PKIB: variants seen among roughly 807,000 people sequenced by gnomAD.
PKIB encodes cAMP-dependent protein kinase inhibitor beta.
PKIB carries 2 observed loss-of-function variants against 4.5 expected under a neutral mutation model. The ratio of observed to expected loss-of-function variants is 0.44; its 90% CI spans 0.18 to 1.39. PKIB has a LOEUF of 1.39. Ranked by LOEUF, PKIB falls within the 40% of genes most tolerant of loss-of-function variation. PKIB has a pLI of 0.27. For missense variants in PKIB, 94 were observed against 92.6 expected, an observed-to-expected ratio of 1.02 and a Z score of -0.06; for synonymous variants, 38 against 36.0, an observed-to-expected ratio of 1.06 and a Z score of -0.20.
At chr6:122,500,375 GGAAGA>G (rs66467028) in intron 2 of PKIB, among the ~76,000 whole-genome samples, 21,323 of 152,030 alleles carry the variant, frequency 0.14, 1,582 homozygotes, top group East Asian at 0.26. Flanking sequence ...ACTGAGGAAG[GGAAGA>G]GAAGATTGCT....
At position 122,725,475 on chromosome 6, in the gene PKIB, C is replaced by G. The variant is rs1779919855; in HGVS notation, c.*280C>G. The G allele has an allele frequency of 3.4e-6, 1 of 297,086 alleles. No homozygotes were observed. The highest frequency in any genetic ancestry group is 6.3e-6 in the Non-Finnish European group (1 of 159,856). 18.4% of individuals were successfully genotyped at this position (297,086 alleles called of 1,614,324 possible). A position where few individuals can be genotyped will look rare whatever the true frequency, so the allele number is the denominator to read the frequency against. On this transcript the variant is annotated 3_prime_UTR_variant, in exon 5 of 5. Transcript: ENST00000368452. ...TGCATACCACTGTCTGTAAACCCAA[C>G]AAAATTCACTGTTCTCTTTTGGATT...
chr6:122,666,428 A>T (rs906371068), intron 2 of PKIB, among the ~76,000 whole-genome samples: 19 of 152,144 alleles, frequency 1.2e-4, no homozygotes, highest in Non-Finnish European at 1.5e-4. Flanking sequence ...CTTCAAAAAC[A>T]TTTTTTAAAA....
At chr6:122,681,580 G>A (rs1777896853) in intron 3 of PKIB, among the ~76,000 whole-genome samples, 1 of 152,038 alleles carries the variant, frequency 6.6e-6, no homozygotes, top group Non-Finnish European at 1.5e-5. Context: ...CAGCAGAGGG[G>A]TAATTACCTA....
chr6:122,477,685 C>G (rs761498165), intron 1 of PKIB, among the ~76,000 whole-genome samples: 2 of 152,158 alleles, frequency 1.3e-5, no homozygotes, highest in Non-Finnish European at 2.9e-5. Flanking sequence ...TTTTAAGTGG[C>G]CTGATCTCAA....
intron 2 of PKIB, among the ~76,000 whole-genome samples, chr6:122,546,111 G>A (rs1214887725): frequency 6.6e-6 from 1 of 152,008 alleles, no homozygotes; most frequent in African/African-American, 2.4e-5. Context: ...AATAAGCTGA[G>A]GCAAATCAGG....
At chr6:122,559,112 C>G (rs867212589) in intron 2 of PKIB, among the ~76,000 whole-genome samples, 7 of 151,744 alleles carry the variant, frequency 4.6e-5, no homozygotes, top group South Asian at 2.1e-4. Flanking sequence ...AGTATTCCAT[C>G]ATATATATAT....
At chr6:122,671,537 G>T (rs905547874) in intron 2 of PKIB, among the ~76,000 whole-genome samples, 1 of 152,050 alleles carries the variant, frequency 6.6e-6, no homozygotes, top group Admixed American at 6.6e-5. Context: ...TCCTTCTACA[G>T]TCCTTGGTGT....
chr6:122,545,318 A>T (rs1772459575), intron 2 of PKIB, among the ~76,000 whole-genome samples: 1 of 152,004 alleles, frequency 6.6e-6, no homozygotes, highest in Non-Finnish European at 1.5e-5. Flanking sequence ...ATAAAGAAGA[A>T]TGAGATCATG....
intron 2 of PKIB, among the ~76,000 whole-genome samples, chr6:122,490,669 T>A (rs576953358): frequency 6.6e-6 from 1 of 152,278 alleles, no homozygotes; most frequent in South Asian, 2.1e-4. Flanking sequence ...GAGTGTAAGC[T>A]TCCTGAGTGC....
chr6:122,512,149 G>A (rs1776607418), intron 2 of PKIB, among the ~76,000 whole-genome samples: 1 of 152,076 alleles, frequency 6.6e-6, no homozygotes, highest in Admixed American at 6.6e-5. Context: ...TACCTCAGAG[G>A]ACTAAACTTT....
At chr6:122,535,677 C>T (rs986115050) in intron 2 of PKIB, among the ~76,000 whole-genome samples, 9 of 152,170 alleles carry the variant, frequency 5.9e-5, no homozygotes, top group Non-Finnish European at 1.0e-4. Flanking sequence ...AAGTTAGGCA[C>T]ACAGGCTTGA....
At chr6:122,714,712 G>C (rs565388148) in intron 3 of PKIB, among the ~76,000 whole-genome samples, 7 of 152,240 alleles carry the variant, frequency 4.6e-5, no homozygotes, top group Admixed American at 3.3e-4. Context: ...CTGCAGAAAA[G>C]ATAACTATTG....
At chr6:122,536,025 C>T (rs910999527) in intron 2 of PKIB, among the ~76,000 whole-genome samples, 3 of 152,130 alleles carry the variant, frequency 2.0e-5, no homozygotes, top group African/African-American at 7.2e-5. Context: ...CTGCAGCCTC[C>T]ACCTCCAGGA....
intron 2 of PKIB, chr6:122,482,516 A>G (rs1037417637): frequency 6.6e-6 from 1 of 152,016 alleles, no homozygotes; most frequent in African/African-American, 2.4e-5. Flanking sequence ...TTTAGCATTA[A>G]AATGAGGAAG....
At chr6:122,523,653 G>A (rs971090519) in intron 2 of PKIB, among the ~76,000 whole-genome samples, 3 of 151,866 alleles carry the variant, frequency 2.0e-5, no homozygotes, top group Admixed American at 1.3e-4. Flanking sequence ...CATGGTGGTG[G>A]GTGCCTGTAA....
intron 2 of PKIB, among the ~76,000 whole-genome samples, chr6:122,496,621 AGAG>A (rs1339781383): frequency 2.0e-5 from 3 of 152,210 alleles, no homozygotes; most frequent in Non-Finnish European, 4.4e-5. Flanking sequence ...ACCAAAGAGA[AGAG>A]AGGATTTTAG....
At chr6:122,486,056 C>G (rs1252773144) in intron 2 of PKIB, among the ~76,000 whole-genome samples, 1 of 152,120 alleles carries the variant, frequency 6.6e-6, no homozygotes, top group Non-Finnish European at 1.5e-5. Context: ...AAAATATACC[C>G]ATGTAACCTC....
chr6:122,686,883 T>C (rs991097317), intron 3 of PKIB, among the ~76,000 whole-genome samples: 1 of 152,214 alleles, frequency 6.6e-6, no homozygotes, highest in Non-Finnish European at 1.5e-5. Context: ...GTCACATTGG[T>C]ACTTTGTAAA....
At chr6:122,664,293 G>A (rs1777130611) in intron 2 of PKIB, among the ~76,000 whole-genome samples, 1 of 152,148 alleles carries the variant, frequency 6.6e-6, no homozygotes, top group Non-Finnish European at 1.5e-5. Flanking sequence ...ACAATGTACT[G>A]TTATAGGAAG....
Sources: gnomAD v4.1 joint callset for allele counts (sites outside exome capture counted in the v4.1 genomes callset) on GRCh38, gnomAD v4.1.1 for gene constraint, MANE v1.5 for transcripts, NCBI Gene and HGNC (gene_info 2026-07-23, HGNC 2026-07-21) for gene names.